The following TENT5D variants were observed in gnomAD, a reference collection of about 807,000 sequenced individuals.
TENT5D encodes cancer/testis antigen 112.
For missense variants in TENT5D, 191 were observed against 287.0 expected, an observed-to-expected ratio of 0.67 and a Z score of 2.42; for synonymous variants, 103 against 100.6, an observed-to-expected ratio of 1.02 and a Z score of -0.15.
chrX:80,360,128 C>A (rs1170186584), intron 3 of TENT5D, among the ~76,000 whole-genome samples: 2 of 111,833 alleles, frequency 1.8e-5, no homozygotes, highest in Admixed American at 1.9e-4. Context: ...TACCTAATTA[C>A]AAAATCATCT....
chrX:80,337,035 G>A (rs1349847001), intron 2 of TENT5D, among the ~76,000 whole-genome samples: 1 of 111,602 alleles, frequency 9.0e-6, no homozygotes, highest in Non-Finnish European at 1.9e-5. Context: ...TTCTTAAAGC[G>A]AGGTTTATAT....
At chrX:80,378,896 A>G (rs915202576) in intron 3 of TENT5D, among the ~76,000 whole-genome samples, 1 of 109,676 alleles carries the variant, frequency 9.1e-6, no homozygotes, top group Admixed American at 9.8e-5. Context: ...AGAACTTCCA[A>G]CACTATGTTG....
chrX:80,343,041 T>C (rs1460808634), intron 3 of TENT5D, among the ~76,000 whole-genome samples: 2 of 111,545 alleles, frequency 1.8e-5, no homozygotes, highest in Non-Finnish European at 3.8e-5. Context: ...TTCAACCTAT[T>C]TTCTATACTT....
intron 3 of TENT5D, among the ~76,000 whole-genome samples, chrX:80,362,709 C>T (rs185812840): frequency 9.0e-6 from 1 of 111,336 alleles, no homozygotes; most frequent in East Asian, 2.8e-4. Flanking sequence ...TAATACAGCT[C>T]ACTGTGGTCC....
At chrX:80,395,245 A>C (rs999846810) in intron 3 of TENT5D, among the ~76,000 whole-genome samples, 1 of 112,063 alleles carries the variant, frequency 8.9e-6, no homozygotes, top group Non-Finnish European at 1.9e-5. Flanking sequence ...TATATGCTAC[A>C]TGTTTTTTAT....
chrX:80,428,422 TA>T (rs1279804560), intron 1 of TENT5D, among the ~76,000 whole-genome samples: 2 of 112,430 alleles, frequency 1.8e-5, no homozygotes, highest in Admixed American at 1.9e-4. Context: ...GCCATTAAGT[TA>T]AATTCCTTGC....
chrX:80,361,310 G>A (rs765957134), intron 3 of TENT5D, among the ~76,000 whole-genome samples: 2 of 112,016 alleles, frequency 1.8e-5, no homozygotes, highest in Non-Finnish European at 3.8e-5. Flanking sequence ...GAAAAGGAAA[G>A]GTCCAGAAAA....
At chrX:80,432,715 C>T (rs1398117326) in intron 1 of TENT5D, among the ~76,000 whole-genome samples, 10 of 110,691 alleles carry the variant, frequency 9.0e-5, no homozygotes. Flanking sequence ...TGTCTCATGT[C>T]CAGGAGAATT....
At chrX:80,435,135 C>G (rs978808594) in intron 1 of TENT5D, among the ~76,000 whole-genome samples, 1 of 111,437 alleles carries the variant, frequency 9.0e-6, no homozygotes, top group African/African-American at 3.3e-5. Flanking sequence ...GTGTTAACAT[C>G]CACAATGTAT....
upstream of TENT5D, among the ~76,000 whole-genome samples, chrX:80,418,733 T>C (rs948729084): frequency 5.4e-5 from 6 of 112,114 alleles, no homozygotes; most frequent in African/African-American, 1.9e-4. Flanking sequence ...CTATATCTGA[T>C]ATATGTATTT....
intron 1 of TENT5D, among the ~76,000 whole-genome samples, chrX:80,434,809 G>T: frequency 9.9e-6 from 1 of 100,710 alleles, no homozygotes; most frequent in Non-Finnish European, 2.0e-5. Flanking sequence ...TTGAGACGGA[G>T]TCTCTCTTTG....
chrX:80,365,733 C>T (rs948588563), intron 3 of TENT5D, among the ~76,000 whole-genome samples: 4 of 108,801 alleles, frequency 3.7e-5, no homozygotes, highest in Non-Finnish European at 7.6e-5. Flanking sequence ...CCCAGCTACT[C>T]GGGAGGCTGA....
intron 3 of TENT5D, among the ~76,000 whole-genome samples, chrX:80,368,545 A>G (rs892386291): frequency 9.0e-6 from 1 of 111,652 alleles, no homozygotes; most frequent in Admixed American, 9.6e-5. Flanking sequence ...GTATTTGAGA[A>G]TTATTTATTG....
chrX:80,427,217 G>A (rs945124502), intron 1 of TENT5D, among the ~76,000 whole-genome samples: 3 of 111,207 alleles, frequency 2.7e-5, no homozygotes, highest in Non-Finnish European at 5.7e-5. Flanking sequence ...TGTAAAACTT[G>A]GTAAGTTGTT....
chrX:80,354,513 A>G (rs752993011), intron 3 of TENT5D, among the ~76,000 whole-genome samples: 4 of 112,147 alleles, frequency 3.6e-5, no homozygotes, highest in East Asian at 2.8e-4. Context: ...TGAAATTCCT[A>G]TAGTGATTTT....
chrX:80,365,263 T>A (rs986865788), intron 3 of TENT5D, among the ~76,000 whole-genome samples: 46 of 111,571 alleles, frequency 4.1e-4, no homozygotes, highest in Non-Finnish European at 7.9e-4. Flanking sequence ...CAGGAAAAAA[T>A]TGTAAGGAAT....
chrX:80,380,390 G>A (rs927819728), intron 3 of TENT5D, among the ~76,000 whole-genome samples: 4 of 111,042 alleles, frequency 3.6e-5, no homozygotes, highest in Non-Finnish European at 7.5e-5. Flanking sequence ...TATGTGGTCA[G>A]TTTTGGAATA....
intron 3 of TENT5D, among the ~76,000 whole-genome samples, chrX:80,383,216 A>G (rs192884208): frequency 8.9e-6 from 1 of 112,572 alleles, no homozygotes; most frequent in African/African-American, 3.2e-5. Context: ...TTTAAAAGCT[A>G]CTTTATATGA....
chrX:80,386,691 C>G (rs1192839269), intron 3 of TENT5D, among the ~76,000 whole-genome samples: 3 of 111,559 alleles, frequency 2.7e-5, no homozygotes, highest in Non-Finnish European at 5.7e-5. Flanking sequence ...CCTACCTATC[C>G]TTGCCCAGTG....
Sources: allele counts gnomAD v4.1 joint callset (sites outside exome capture counted in the v4.1 genomes callset), GRCh38; gene constraint gnomAD v4.1.1; transcripts MANE v1.5; gene names NCBI Gene and HGNC (gene_info 2026-07-23, HGNC 2026-07-21).